Variants in WNT11 observed in about 807,000 individuals in gnomAD.
WNT11 encodes the protein Wnt family member 11.
In WNT11, 20 loss-of-function variants were observed where a neutral mutation model predicts 35.6. That is an observed-to-expected ratio of 0.56 (90% CI 0.40 to 0.82). The LOEUF (loss-of-function observed/expected upper bound fraction) is 0.82, where lower values mean the gene tolerates loss of function less well. Ranked by LOEUF, WNT11 falls within the 40% of genes least tolerant of loss-of-function variation. The pLI is 0.00. For missense variants in WNT11, 459 were observed against 504.4 expected (o/e 0.91, Z 0.86); for synonymous variants, 200 against 211.9 (o/e 0.94, Z 0.49).
chr11:76,197,937 G>C (rs1953314628), intron 1 of WNT11, among the ~76,000 whole-genome samples: 1 of 152,204 alleles, frequency 6.6e-6, no homozygotes, highest in South Asian at 2.1e-4. Context: ...CCCAGAGTCA[G>C]CTGGCCTTCA....
upstream of WNT11, among the ~76,000 whole-genome samples, chr11:76,208,725 C>T (rs1030623375): frequency 2.0e-5 from 3 of 152,192 alleles, no homozygotes; most frequent in African/African-American, 7.2e-5. Flanking sequence ...GGACGGGGAC[C>T]CAGGCCTCCA....
At chr11:76,205,354 T>G (rs992532774) in intron 1 of WNT11, among the ~76,000 whole-genome samples, 4 of 151,366 alleles carry the variant, frequency 2.6e-5, no homozygotes, top group Non-Finnish European at 5.9e-5. Context: ...TCCAGACCCT[T>G]GTCCTGTCCT....
chr11:76,197,904 C>A (rs58198198), intron 1 of WNT11, among the ~76,000 whole-genome samples: 1 of 152,208 alleles, frequency 6.6e-6, no homozygotes, highest in Non-Finnish European at 1.5e-5. Context: ...AGTGCCCCCA[C>A]CCACAGCAGA....
Position 76,194,785 on chromosome 11 carries a change from C to T in WNT11, c.379G>A (p.Ala127Thr), listed in dbSNP as rs1016370203. The T allele has an allele frequency of 7.7e-6, 12 of 1,554,162 alleles. No homozygotes were observed. The highest frequency in any genetic ancestry group is 7.2e-5 in the East Asian group (3 of 41,840). ...LSAAAISHAI[A>T]RACTSGDLPG... ...AGGTCGCCGGAGGTGCAGGCCCGGG[C>T]GATGGCGTGGCTGATGGCGGCGGCC... Residue 127 changes from alanine to threonine, a missense_variant, in exon 3 of 5, where the codon GCC becomes ACC. Transcript: ENST00000322563. The surrounding 1 kb of genome is among the most constrained non-coding windows in gnomAD (Gnocchi z 5.4).
At chr11:76,200,043 C>T (rs1953350613) in intron 1 of WNT11, among the ~76,000 whole-genome samples, 1 of 152,178 alleles carries the variant, frequency 6.6e-6, no homozygotes, top group Non-Finnish European at 1.5e-5. Flanking sequence ...TTCATTTCCT[C>T]CTGCCTCTCA....
chr11:76,199,830 T>G (rs1953347328), intron 1 of WNT11, among the ~76,000 whole-genome samples: 1 of 152,078 alleles, frequency 6.6e-6, no homozygotes, highest in Non-Finnish European at 1.5e-5. Context: ...TAGATGAAGC[T>G]AAGTCCCCCG....
chr11:76,206,501 G>A lies in WNT11; in HGVS notation c.-94C>T, dbSNP rs1376134647. The A allele has an allele frequency of 3.2e-6, 4 of 1,250,746 alleles. No homozygotes were observed. Among genetic ancestry groups the A allele is most frequent in the Non-Finnish European group, 4.0e-6 (4 of 998,100 alleles). 77.5% of individuals were successfully genotyped at this position (1,250,746 alleles called of 1,614,324 possible). On this transcript the variant is annotated 5_prime_UTR_variant, in exon 1 of 5. Coordinates refer to ENST00000322563, the MANE Select transcript of WNT11 (RefSeq NM_004626.3). ...CCGCCGCTGGTCCTGCACGCCGCCT[G>A]CAGCCGGGGAGAGCGGAGGCGGCGG...
At position 76,194,831 on chromosome 11, in the gene WNT11, C is replaced by G; in HGVS notation, c.333G>C (p.Ser111=). Residue 111 remains serine (S), a synonymous_variant, in exon 3 of 5, where the codon TCG becomes TCC. Transcript: ENST00000322563. This position sits in a 1 kb window ranked among gnomAD's most constrained non-coding sequence, Gnocchi z 5.4. ...CGGCCGACAGCGCATACACGAAGGC[C>G]GACTCCCGGGTCCCTGAGGGTGGGA... ...LLDLERGTRE[S]AFVYALSAAA... is the part of the protein sequence containing the mutation. The G allele has an allele frequency of 3.3e-6, 5 of 1,519,338 alleles. No individual in the cohort carries two copies. The highest frequency in any genetic ancestry group is 4.4e-6 in the Non-Finnish European group (5 of 1,140,010). 94.1% of individuals were successfully genotyped at this position (1,519,338 alleles called of 1,614,324 possible).
intron 1 of WNT11, among the ~76,000 whole-genome samples, chr11:76,199,620 T>C (rs1391846131): frequency 6.6e-6 from 1 of 152,012 alleles, no homozygotes; most frequent in Non-Finnish European, 1.5e-5. Context: ...CTGGCCAATA[T>C]GGTGAAACCC....
At chr11:76,207,278 G>C (rs555779367), upstream of WNT11, among the ~76,000 whole-genome samples, 2 of 152,212 alleles carry the variant, frequency 1.3e-5, no homozygotes, top group East Asian at 1.9e-4. Context: ...CAGGAGAACC[G>C]CTTGAACCCG....
intron 1 of WNT11, among the ~76,000 whole-genome samples, chr11:76,200,149 G>A (rs527744239): frequency 3.3e-5 from 5 of 152,050 alleles, no homozygotes; most frequent in South Asian, 2.1e-4. Context: ...TTAGGGCGGC[G>A]TGACTCGCCC....
intron 3 of WNT11, among the ~76,000 whole-genome samples, chr11:76,192,431 C>T (rs116335351): frequency 1.4e-3 from 213 of 152,304 alleles, no homozygotes; most frequent in African/African-American, 4.9e-3. Context: ...ACCTCCCCGC[C>T]GCCTGGCTGA....
intron 4 of WNT11, among the ~76,000 whole-genome samples, chr11:76,189,584 C>T (rs761487935): frequency 1.3e-4 from 20 of 152,200 alleles, no homozygotes; most frequent in Non-Finnish European, 2.8e-4. Context: ...CGCATGCACA[C>T]GCCTTTCACA....
At chr11:76,193,796 C>T (rs1178987615) in intron 3 of WNT11, among the ~76,000 whole-genome samples, 1 of 152,172 alleles carries the variant, frequency 6.6e-6, no homozygotes, top group Non-Finnish European at 1.5e-5. Context: ...GATGAGATGC[C>T]ATCTGCACAT....
chr11:76,209,372 C>T (rs1381824825), upstream of WNT11, among the ~76,000 whole-genome samples: 2 of 123,826 alleles, frequency 1.6e-5, no homozygotes, highest in Non-Finnish European at 3.4e-5. Flanking sequence ...TCTGGAAAGC[C>T]GGCCGCTGGG....
chr11:76,207,234 G>T (rs1172242868), upstream of WNT11, among the ~76,000 whole-genome samples: 2 of 152,112 alleles, frequency 1.3e-5, no homozygotes, highest in African/African-American at 4.8e-5. Context: ...GTGGTGGCGG[G>T]CGCCTGTAAT....
intron 4 of WNT11, chr11:76,191,012 G>A (rs1953176124): frequency 6.5e-6 from 1 of 153,426 alleles, no homozygotes. Context: ...TCCCCAGGAG[G>A]AGATGGGGGC....
chr11:76,195,836 G>A (rs1293547439), intron 2 of WNT11, among the ~76,000 whole-genome samples: 1 of 152,218 alleles, frequency 6.6e-6, no homozygotes, highest in Non-Finnish European at 1.5e-5. Context: ...AGAAAAGAAT[G>A]TTTGTCAAAC....
At chr11:76,208,577 C>T (rs1449846498), upstream of WNT11, among the ~76,000 whole-genome samples, 1 of 152,120 alleles carries the variant, frequency 6.6e-6, no homozygotes. Flanking sequence ...AAGTGCGCCG[C>T]CCCCCGAAGG....
Sources: allele counts gnomAD v4.1 joint callset (sites outside exome capture counted in the v4.1 genomes callset), GRCh38; gene constraint gnomAD v4.1.1; non-coding constraint Gnocchi (gnomAD v3.1); transcripts MANE v1.5; gene names NCBI Gene and HGNC (gene_info 2026-07-23, HGNC 2026-07-21).